Variants in EYA1 observed in about 807,000 individuals in gnomAD.
The protein encoded by EYA1 is EYA transcriptional coactivator and phosphatase 1.
EYA1 carries 16 observed loss-of-function variants against 82.0 expected under a neutral mutation model. The observed-to-expected ratio is 0.20, with a 90% confidence interval of 0.13 to 0.30. The LOEUF (loss-of-function observed/expected upper bound fraction) is 0.30. Among genes scored for constraint, EYA1 ranks in the 10% least tolerant of loss-of-function variants. The probability of loss-of-function intolerance (pLI) is 1.00; values close to 1 mark genes in which losing one functional copy is unlikely to be tolerated. For missense variants in EYA1, 633 were observed against 730.7 expected (o/e 0.87, Z 1.54); for synonymous variants, 261 against 264.4 (o/e 0.99, Z 0.12).
At chr8:71,286,959 G>A (rs764737509) in intron 9 of EYA1, among the ~76,000 whole-genome samples, 124 of 151,984 alleles carry the variant, frequency 8.2e-4, no homozygotes, top group Non-Finnish European at 1.4e-3. Flanking sequence ...CTGCCACCAC[G>A]CCTGGCTAAT....
upstream of EYA1, among the ~76,000 whole-genome samples, chr8:71,367,114 A>G (rs1261184574): frequency 6.6e-6 from 1 of 152,134 alleles, no homozygotes; most frequent in Non-Finnish European, 1.5e-5. Flanking sequence ...TTTTCTCCTT[A>G]CATATTCAAA....
At chr8:71,524,553 T>C (rs1402635732) in intron 2 of EYA1, among the ~76,000 whole-genome samples, 1 of 152,200 alleles carries the variant, frequency 6.6e-6, no homozygotes, top group Non-Finnish European at 1.5e-5. Flanking sequence ...TTGATAGAAA[T>C]ACAACAGCCT....
intron 2 of EYA1, among the ~76,000 whole-genome samples, chr8:71,510,209 C>T (rs185765642): frequency 9.5e-4 from 145 of 152,230 alleles, no homozygotes; most frequent in African/African-American, 3.4e-3. Flanking sequence ...TGATGAGAGA[C>T]TCATGGGTCA....
chr8:71,444,261 T>G (rs1806672656), intron 2 of EYA1, among the ~76,000 whole-genome samples: 1 of 152,194 alleles, frequency 6.6e-6, no homozygotes, highest in South Asian at 2.1e-4. Context: ...ATGACCAGGA[T>G]AAGTCAGAAT....
At chr8:71,434,559 G>A (rs1406780094) in intron 2 of EYA1, among the ~76,000 whole-genome samples, 1 of 152,096 alleles carries the variant, frequency 6.6e-6, no homozygotes, top group Non-Finnish European at 1.5e-5. Context: ...AGGTTACATA[G>A]AAGATAGAAG....
chr8:71,400,758 C>G (rs980788948), intron 2 of EYA1, among the ~76,000 whole-genome samples: 4 of 152,130 alleles, frequency 2.6e-5, no homozygotes, highest in African/African-American at 9.7e-5. Flanking sequence ...ACTAGAAATA[C>G]CATTTGACCT....
At chr8:71,267,500 C>G (rs1815984632) in intron 11 of EYA1, among the ~76,000 whole-genome samples, 1 of 152,146 alleles carries the variant, frequency 6.6e-6, no homozygotes, top group African/African-American at 2.4e-5. Flanking sequence ...CTCAAATAGC[C>G]TGTACTTCAG....
chr8:71,453,669 T>C (rs896007039), intron 2 of EYA1, among the ~76,000 whole-genome samples: 1 of 152,124 alleles, frequency 6.6e-6, no homozygotes. Flanking sequence ...CCAGCCAAAC[T>C]AAGCTTCATA....
At chr8:71,432,561 C>G (rs1805703037) in intron 2 of EYA1, among the ~76,000 whole-genome samples, 2 of 152,178 alleles carry the variant, frequency 1.3e-5, no homozygotes. Flanking sequence ...TCGCCTTCCC[C>G]ATGTCCTCAC....
intron 2 of EYA1, among the ~76,000 whole-genome samples, chr8:71,473,211 T>G (rs1809367080): frequency 6.6e-6 from 1 of 151,928 alleles, no homozygotes; most frequent in African/African-American, 2.4e-5. Flanking sequence ...TGGGATCTAA[T>G]TAAACTAAAA....
chr8:71,312,401 A>G (rs979424054), intron 7 of EYA1, among the ~76,000 whole-genome samples: 3 of 152,160 alleles, frequency 2.0e-5, no homozygotes, highest in African/African-American at 4.8e-5. Flanking sequence ...TAAATTACTA[A>G]TTTTATGCAT....
In EYA1 at chr8:71,547,019, C is replaced by A. The variant is rs368923074; in HGVS notation, c.-73+845G>T. On this transcript the variant is annotated intron_variant, in intron 1 of 18. Transcript: ENST00000643681. ...CACAGCGGGCATTATTCCCACCCAC[C>A]CGTCCCCAACCCTCATAAAAGCAGA... is the stretch of plus-strand genomic sequence containing the variant. 9.9e-5 allele frequency among the ~76,000 whole-genome samples: 15 copies of A among 151,860 alleles called. 3 individuals are homozygous for A. The highest frequency in any genetic ancestry group is 3.4e-4 in the African/African-American group (14 of 41,408).
At chr8:71,466,185 A>C (rs749059502) in intron 2 of EYA1, among the ~76,000 whole-genome samples, 14 of 152,182 alleles carry the variant, frequency 9.2e-5, no homozygotes, top group Non-Finnish European at 1.6e-4. Flanking sequence ...AATATGACTA[A>C]ATATAACCAC....
intron 2 of EYA1, among the ~76,000 whole-genome samples, chr8:71,384,266 G>A (rs1449332730): frequency 6.6e-6 from 1 of 152,112 alleles, no homozygotes; most frequent in African/African-American, 2.4e-5. Context: ...TTTTAAGAAG[G>A]TTATTTGAAG....
chr8:71,538,764 G>C (rs1250023929), intron 1 of EYA1, among the ~76,000 whole-genome samples: 1 of 152,116 alleles, frequency 6.6e-6, no homozygotes, highest in Non-Finnish European at 1.5e-5. Context: ...ATAGATTAGG[G>C]GGAAACACTG....
intron 1 of EYA1, among the ~76,000 whole-genome samples, chr8:71,358,973 A>T (rs1273885437): frequency 6.6e-6 from 1 of 152,238 alleles, no homozygotes; most frequent in East Asian, 1.9e-4. Context: ...GTCTTCTCCT[A>T]ATCTGGTATT....
chr8:71,268,205 G>C (rs1041357638), intron 11 of EYA1, among the ~76,000 whole-genome samples: 1 of 152,126 alleles, frequency 6.6e-6, no homozygotes, highest in Non-Finnish European at 1.5e-5. Flanking sequence ...GGCCCTTAGC[G>C]AGAGCTTATA....
At chr8:71,286,657 G>A (rs1010455917) in intron 9 of EYA1, among the ~76,000 whole-genome samples, 34 of 152,202 alleles carry the variant, frequency 2.2e-4, no homozygotes, top group African/African-American at 6.3e-4. Flanking sequence ...AGATTCCCAC[G>A]TAGAAGGCCA....
rs752752985 is a variant in EYA1 at position 71,199,234 on chromosome 8, G to A, written c.*106C>T. ...ACTGACAGCAACTGCGCATCACCAG[G>A]CGGAAATTGCTAAGTTCTGGAGGCC... is the stretch of plus-strand genomic sequence containing the variant. On this transcript the variant is annotated 3_prime_UTR_variant, in exon 18 of 18. Transcript: ENST00000340726. 8 of 793,120 alleles carry A rather than the reference G, an allele frequency of 1.0e-5. No homozygotes were observed. The highest frequency in any genetic ancestry group is 3.4e-5 in the African/African-American group (2 of 58,866). The allele number at this position is 793,120 out of a possible 1,614,324, so 49.1% of individuals were successfully genotyped here. A position where few individuals can be genotyped will look rare whatever the true frequency, so the allele number is the denominator to read the frequency against.
Sources: gnomAD v4.1 joint callset for allele counts (sites outside exome capture counted in the v4.1 genomes callset) on GRCh38, gnomAD v4.1.1 for gene constraint, MANE v1.5 for transcripts, NCBI Gene and HGNC (gene_info 2026-07-23, HGNC 2026-07-21) for gene names.